CACNA1C: variants seen among roughly 807,000 people sequenced by gnomAD.
CACNA1C encodes voltage-dependent L-type calcium channel subunit alpha-1C.
CACNA1C carries 30 observed loss-of-function variants against 229.0 expected under a neutral mutation model. The ratio of observed to expected loss-of-function variants is 0.13; its 90% CI spans 0.10 to 0.18. The LOEUF is 0.18. Ranked by LOEUF, CACNA1C falls within the 10% of genes least tolerant of loss-of-function variation. The pLI is 1.00. For synonymous variants in CACNA1C, 1,114 were observed against 1,132.5 expected (o/e 0.98, Z 0.33); for missense variants, 1,658 against 2,845.0 (o/e 0.58, Z 9.49).
intron 1 of CACNA1C, chr12:2,004,765 C>T (rs1262311105): frequency 9.9e-6 from 3 of 302,042 alleles, no homozygotes; most frequent in Non-Finnish European, 1.9e-5. Flanking sequence ...ATGTGTTCGA[C>T]CCCTTGGCAT....
intron 2 of CACNA1C, 90 bp downstream of exon 2, chr12:2,115,635 G>A: frequency 7.9e-7 from 1 of 1,261,860 alleles, no homozygotes; most frequent in Non-Finnish European, 1.1e-6. Context: ...AGCTGTGTCA[G>A]CTGTGCTGGG....
intron 5 of CACNA1C, among the ~76,000 whole-genome samples, chr12:2,475,980 G>C (rs2099625530): frequency 6.6e-6 from 1 of 152,100 alleles, no homozygotes. Flanking sequence ...TGCATCTTTT[G>C]TATGTATATT....
intron 3 of CACNA1C, among the ~76,000 whole-genome samples, chr12:2,281,459 A>C (rs1346295623): frequency 6.6e-6 from 1 of 152,196 alleles, no homozygotes; most frequent in Non-Finnish European, 1.5e-5. Flanking sequence ...CTTGCAGTGC[A>C]AGTCTGCTAG....
intron 30 of CACNA1C, among the ~76,000 whole-genome samples, chr12:2,641,978 G>A (rs956269977): frequency 2.6e-5 from 4 of 151,844 alleles, no homozygotes; most frequent in Non-Finnish European, 4.4e-5. Context: ...GGTCTAGGGC[G>A]AGGCTTGTTG....
At chr12:2,059,841 T>G (rs1479680950) in intron 1 of CACNA1C, among the ~76,000 whole-genome samples, 9 of 152,170 alleles carry the variant, frequency 5.9e-5, no homozygotes, top group African/African-American at 2.2e-4. Flanking sequence ...TGTACCACAC[T>G]TGGTGCTGGC....
At chr12:2,539,835 A>G (rs1279265368) in intron 9 of CACNA1C, among the ~76,000 whole-genome samples, 2 of 115,892 alleles carry the variant, frequency 1.7e-5, no homozygotes. Flanking sequence ...AGGGCTTCAT[A>G]AAGATGCAGG....
At chr12:2,620,048 G>T (rs2082474408) in intron 29 of CACNA1C, among the ~76,000 whole-genome samples, 1 of 152,108 alleles carries the variant, frequency 6.6e-6, no homozygotes, top group Non-Finnish European at 1.5e-5. Flanking sequence ...AGCACTGGAG[G>T]GAAGCAAACA....
At chr12:2,104,296 T>A (rs1377494557) in intron 1 of CACNA1C, among the ~76,000 whole-genome samples, 1 of 152,180 alleles carries the variant, frequency 6.6e-6, no homozygotes, top group Non-Finnish European at 1.5e-5. Context: ...TCACATCCCT[T>A]GTAAGTTGTA....
intron 18 of CACNA1C, among the ~76,000 whole-genome samples, chr12:2,592,303 G>A (rs944414313): frequency 6.6e-6 from 1 of 152,212 alleles, no homozygotes; most frequent in Non-Finnish European, 1.5e-5. Context: ...TATGTGCCAG[G>A]CACCGTTCTG....
intron 3 of CACNA1C, among the ~76,000 whole-genome samples, chr12:2,235,295 A>G (rs568587318): frequency 2.0e-5 from 3 of 152,130 alleles, no homozygotes; most frequent in Admixed American, 6.5e-5. Context: ...CTGCAATGAC[A>G]AGCTAACATC....
intron 3 of CACNA1C, among the ~76,000 whole-genome samples, chr12:2,201,390 A>G (rs1023324075): frequency 3.3e-5 from 5 of 152,186 alleles, no homozygotes; most frequent in Admixed American, 2.0e-4. Flanking sequence ...CCATTGTGCT[A>G]CAAACCCACT....
chr12:2,581,287 A>G (rs938344850), intron 13 of CACNA1C, among the ~76,000 whole-genome samples: 1 of 152,184 alleles, frequency 6.6e-6, no homozygotes, highest in Non-Finnish European at 1.5e-5. Context: ...GGGATGCAGA[A>G]GGCAGGGAAG....
chr12:2,311,957 G>A (rs879597831), intron 3 of CACNA1C, among the ~76,000 whole-genome samples: 2 of 152,164 alleles, frequency 1.3e-5, no homozygotes, highest in African/African-American at 2.4e-5. Context: ...AGAGCAGGGT[G>A]TTCAGACTAT....
At chr12:2,521,727 C>T (rs1182165703) in intron 9 of CACNA1C, among the ~76,000 whole-genome samples, 2 of 152,148 alleles carry the variant, frequency 1.3e-5, no homozygotes, top group Non-Finnish European at 2.9e-5. Flanking sequence ...GCTTGGACTT[C>T]TCACTCCTTC....
chr12:2,320,496 T>C (rs1216860795), intron 3 of CACNA1C, among the ~76,000 whole-genome samples: 2 of 152,348 alleles, frequency 1.3e-5, no homozygotes, highest in Admixed American at 1.3e-4. Flanking sequence ...ATTAGCAGAA[T>C]GTACACGTGA....
intron 3 of CACNA1C, among the ~76,000 whole-genome samples, chr12:2,255,347 T>A (rs1318431621): frequency 2.0e-5 from 3 of 152,042 alleles, no homozygotes; most frequent in Non-Finnish European, 4.4e-5. Flanking sequence ...TGTGTGGAGT[T>A]TGCTAACAGA....
intron 1 of CACNA1C, among the ~76,000 whole-genome samples, chr12:1,986,093 G>A (rs1028356510): frequency 6.6e-6 from 1 of 152,232 alleles, no homozygotes; most frequent in African/African-American, 2.4e-5. Context: ...GATTACAGGC[G>A]TGAGCCACTG....
intron 32 of CACNA1C, among the ~76,000 whole-genome samples, chr12:2,652,932 C>T (rs978073482): frequency 2.0e-5 from 3 of 152,238 alleles, no homozygotes; most frequent in African/African-American, 7.2e-5. Context: ...GAGGCACAGA[C>T]CGGGTGACTG....
At chr12:2,413,690 C>T (rs2098833923) in intron 3 of CACNA1C, among the ~76,000 whole-genome samples, 1 of 152,210 alleles carries the variant, frequency 6.6e-6, no homozygotes, top group South Asian at 2.1e-4. Flanking sequence ...TCCATAACCT[C>T]ATGTGAGACA....
Sources: gnomAD v4.1 joint callset for allele counts (sites outside exome capture counted in the v4.1 genomes callset) on GRCh38, gnomAD v4.1.1 for gene constraint, MANE v1.5 for transcripts, NCBI Gene and HGNC (gene_info 2026-07-23, HGNC 2026-07-21) for gene names.